DIP2C: variants seen among roughly 807,000 people sequenced by gnomAD.
The protein encoded by DIP2C is disco-interacting protein 2 homolog C.
Under a neutral mutation model 192.4 loss-of-function variants are expected in DIP2C, and 33 were observed. The observed-to-expected ratio is 0.17, with a 90% CI of 0.13 to 0.23. The LOEUF is 0.23. Ranked by LOEUF, DIP2C falls within the 10% of genes least tolerant of loss-of-function variation. DIP2C has a pLI of 1.00. For missense variants in DIP2C, 1,537 were observed against 2,110.1 expected (o/e 0.73, Z 5.32); for synonymous variants, 979 against 864.1 (o/e 1.13, Z -2.33).
At chr10:545,912 C>T (rs190860676) in intron 1 of DIP2C, among the ~76,000 whole-genome samples, 3 of 152,292 alleles carry the variant, frequency 2.0e-5, no homozygotes, top group East Asian at 1.9e-4. Context: ...AATTTGTTGT[C>T]GGTTTAAGCC....
At chr10:678,804 C>G (rs1830980816) in intron 1 of DIP2C, among the ~76,000 whole-genome samples, 1 of 110,630 alleles carries the variant, frequency 9.0e-6, no homozygotes, top group Admixed American at 9.3e-5. Flanking sequence ...GCTCCCCACG[C>G]CCATGCTCCC....
At chr10:442,971 A>C (rs1450260151) in intron 3 of DIP2C, among the ~76,000 whole-genome samples, 2 of 152,234 alleles carry the variant, frequency 1.3e-5, no homozygotes, top group Admixed American at 1.3e-4. Context: ...ATTTTCAAGA[A>C]TACAGGTTAG....
Position 384,124 on chromosome 10 carries a change from C to T in DIP2C, c.1779G>A (p.Ser593=), listed in dbSNP as rs756041619. 6.8e-6 allele frequency: 11 copies of T among 1,609,504 alleles called. No homozygotes were observed. Among genetic ancestry groups the T allele is most frequent in the South Asian group, 1.1e-5 (1 of 89,774 alleles). The change falls in exon 16 of 37, where the codon TCG becomes TCA. Residue 593 remains serine (S), a synonymous_variant. Transcript: ENST00000280886. ...QYKAKVACVK[S]RDMHWALVAH... is the part of the protein sequence containing the mutation. ...CTACTAATGCCCAATGCATATCCCT[C>T]GATTTCACACACGCCACTTTTGCTA...
intron 31 of DIP2C, among the ~76,000 whole-genome samples, chr10:319,583 G>A (rs1450428623): frequency 1.3e-5 from 2 of 152,150 alleles, no homozygotes; most frequent in Non-Finnish European, 1.5e-5. Flanking sequence ...AAGAGTAATT[G>A]TGGCTGTGAG....
chr10:629,380 C>T (rs554879908), intron 1 of DIP2C, among the ~76,000 whole-genome samples: 1 of 152,110 alleles, frequency 6.6e-6, no homozygotes, highest in Non-Finnish European at 1.5e-5. Flanking sequence ...GGGATCGGAG[C>T]CCCCTGGACA....
At chr10:615,863 G>A (rs1172411664) in intron 1 of DIP2C, among the ~76,000 whole-genome samples, 4 of 152,124 alleles carry the variant, frequency 2.6e-5, no homozygotes, top group African/African-American at 4.8e-5. Flanking sequence ...GAAACGACAC[G>A]CAGCCCAGAT....
At chr10:639,963 C>T (rs1056083337) in intron 1 of DIP2C, among the ~76,000 whole-genome samples, 5 of 152,290 alleles carry the variant, frequency 3.3e-5, no homozygotes, top group East Asian at 3.9e-4. Flanking sequence ...GCACTCTGCG[C>T]GCTTTCTCCC....
At chr10:556,991 G>A (rs190516860) in intron 1 of DIP2C, among the ~76,000 whole-genome samples, 53 of 152,326 alleles carry the variant, frequency 3.5e-4, no homozygotes, top group African/African-American at 1.3e-3. Flanking sequence ...AACAGCCAGG[G>A]CTTCTCAGAT....
At chr10:514,658 C>T (rs780601066) in intron 1 of DIP2C, among the ~76,000 whole-genome samples, 4 of 152,186 alleles carry the variant, frequency 2.6e-5, no homozygotes, top group African/African-American at 4.8e-5. Flanking sequence ...CGACCCTCAC[C>T]ACTGCTGCCA....
At chr10:616,580 G>A (rs567797197) in intron 1 of DIP2C, among the ~76,000 whole-genome samples, 10 of 152,136 alleles carry the variant, frequency 6.6e-5, no homozygotes, top group African/African-American at 1.9e-4. Context: ...ACAGCCCCTC[G>A]CCCAGCCAGG....
At chr10:537,850 G>A (rs1847779049) in intron 1 of DIP2C, among the ~76,000 whole-genome samples, 1 of 151,586 alleles carries the variant, frequency 6.6e-6, no homozygotes, top group Non-Finnish European at 1.5e-5. Context: ...GGAGTGCAGT[G>A]GCGATCTCGG....
chr10:424,105 CAG>C (rs1373712567), intron 4 of DIP2C, among the ~76,000 whole-genome samples: 1 of 152,174 alleles, frequency 6.6e-6, no homozygotes, highest in African/African-American at 2.4e-5. Flanking sequence ...GAATGACACT[CAG>C]AATCCTACCT....
intron 3 of DIP2C, among the ~76,000 whole-genome samples, chr10:460,690 G>A (rs1350783445): frequency 1.3e-5 from 2 of 152,126 alleles, no homozygotes; most frequent in Admixed American, 6.6e-5. Context: ...CATTCAAATT[G>A]AGAAATACAG....
chr10:544,696 T>C (rs1564835595), intron 1 of DIP2C, among the ~76,000 whole-genome samples: 2 of 152,260 alleles, frequency 1.3e-5, no homozygotes. Flanking sequence ...TTCTGTTAAA[T>C]ATCTCATGTG....
intron 35 of DIP2C, among the ~76,000 whole-genome samples, chr10:281,766 G>A (rs562356500): frequency 1.3e-5 from 2 of 152,320 alleles, no homozygotes; most frequent in African/African-American, 4.8e-5. Context: ...TCCCACACAT[G>A]CTTCTCTGTG....
chr10:353,356 G>A (rs974111048), intron 24 of DIP2C, among the ~76,000 whole-genome samples: 5 of 152,102 alleles, frequency 3.3e-5, no homozygotes, highest in South Asian at 2.1e-4. Context: ...AGTTAAAAAA[G>A]GTCAAAAGAG....
intron 7 of DIP2C, among the ~76,000 whole-genome samples, chr10:414,768 A>T (rs1965487523): frequency 1.6e-5 from 2 of 121,932 alleles, no homozygotes; most frequent in African/African-American, 3.1e-5. Flanking sequence ...ATGTGTATAT[A>T]TATAATGTGT....
In DIP2C at chr10:588,917, A is replaced by G. The variant is rs116772116; in HGVS notation, c.85+100577T>C. 4.7e-3 allele frequency among the ~76,000 whole-genome samples: 721 copies of G among 152,280 alleles called. 7 individuals carry two copies. The highest frequency in any genetic ancestry group is 0.016 in the African/African-American group (667 of 41,542). ...CACGTTTGTGTGAGTTCAGTTTTGTAAGAAACTGCTGAGCCGTCTGCACCA... is the reference window on the plus strand; with the variant it reads ...CACGTTTGTGTGAGTTCAGTTTTGTGAGAAACTGCTGAGCCGTCTGCACCA... On this transcript the variant is annotated intron_variant, in intron 1 of 36. Transcript: ENST00000280886.
intron 29 of DIP2C, among the ~76,000 whole-genome samples, chr10:337,393 T>C (rs993062352): frequency 1.6e-5 from 2 of 121,996 alleles, no homozygotes; most frequent in African/African-American, 6.1e-5. Context: ...GTGTGTGTCG[T>C]GGAGGCCTAC....
Sources: gnomAD v4.1 joint callset for allele counts (sites outside exome capture counted in the v4.1 genomes callset) on GRCh38, gnomAD v4.1.1 for gene constraint, MANE v1.5 for transcripts, NCBI Gene and HGNC (gene_info 2026-07-23, HGNC 2026-07-21) for gene names.